DIAPH3: variants seen among roughly 807,000 people sequenced by gnomAD.
DIAPH3 encodes the protein protein diaphanous homolog 3.
Under a neutral mutation model 144.3 loss-of-function variants are expected in DIAPH3, and 117 were observed. That is an observed-to-expected ratio of 0.81 (90% CI 0.70 to 0.95). The LOEUF is 0.95. Ranked by LOEUF, DIAPH3 falls within the 40% of genes least tolerant of loss-of-function variation. The probability of loss-of-function intolerance (pLI) is 0.00; values close to 1 mark genes in which losing one functional copy is unlikely to be tolerated. For synonymous variants in DIAPH3, 519 were observed against 488.9 expected (o/e 1.06, Z -0.81); for missense variants, 1,421 against 1,412.7 (o/e 1.01, Z -0.09).
chr13:59,873,792 G>T (rs2044433263), intron 21 of DIAPH3, among the ~76,000 whole-genome samples: 1 of 149,512 alleles, frequency 6.7e-6, no homozygotes, highest in Admixed American at 6.8e-5. Context: ...TCAGCCTCAC[G>T]AATAGAGTAG....
At position 60,163,907 on chromosome 13, in the gene DIAPH3, C is replaced by T; in HGVS notation, c.-141G>A. ...CACAGCCTAGCCCAACCGCTGAAGT[C>T]GGGGCCGCAGCCAACACATCTGAAA... is the stretch of plus-strand genomic sequence containing the variant. On this transcript the variant is annotated 5_prime_UTR_variant, in exon 1 of 28. Coordinates refer to ENST00000400324, the MANE Select transcript of DIAPH3 (RefSeq NM_001042517.2). 9.0e-7 allele frequency: 1 copy of T among 1,114,222 alleles called. No individual in the cohort carries two copies. The allele number at this position is 1,114,222 out of a possible 1,614,324, so 69.0% of individuals were successfully genotyped here.
chr13:59,843,204 C>T (rs1479145486), intron 22 of DIAPH3, among the ~76,000 whole-genome samples: 2 of 152,072 alleles, frequency 1.3e-5, no homozygotes, highest in South Asian at 2.1e-4. Flanking sequence ...GGGGCAAAGA[C>T]CAAATATTTA....
At chr13:60,026,977 T>C (rs976023875) in intron 5 of DIAPH3, among the ~76,000 whole-genome samples, 1 of 152,210 alleles carries the variant, frequency 6.6e-6, no homozygotes, top group Non-Finnish European at 1.5e-5. Flanking sequence ...ACTGCTCACA[T>C]GTGACAAACT....
intron 5 of DIAPH3, among the ~76,000 whole-genome samples, chr13:60,029,422 C>T (rs577722296): frequency 6.6e-6 from 1 of 152,144 alleles, no homozygotes; most frequent in Admixed American, 6.5e-5. Context: ...TGTCACCACC[C>T]AAATCTCACC....
chr13:59,974,547 G>T (rs377713623), intron 14 of DIAPH3, 91 bp from the exon 15 acceptor site: 2 of 1,071,698 alleles, frequency 1.9e-6, no homozygotes, highest in South Asian at 1.3e-5. Flanking sequence ...ATGATCTGCC[G>T]GTAGAACACA....
At chr13:59,787,974 T>C (rs1208168762) in intron 25 of DIAPH3, among the ~76,000 whole-genome samples, 1 of 152,210 alleles carries the variant, frequency 6.6e-6, no homozygotes, top group Non-Finnish European at 1.5e-5. Flanking sequence ...TCTGCTGGCA[T>C]CTTGATTTTG....
chr13:59,843,312 C>T lies in DIAPH3; in HGVS notation c.2738-3864G>A, dbSNP rs201663321. Among the ~76,000 whole-genome samples the T allele has an allele frequency of 2.0e-5, 3 of 152,288 alleles. No individual in the cohort carries two copies. The East Asian group carries it at 5.8e-4, about 29-fold the overall frequency. Reference sequence around the variant, plus strand: ...GAGAAGCACATTTTTGGCTCATTCTCAGAGGTGCCTAAAGTCTAGGCTGCC... The same window carrying T: ...GAGAAGCACATTTTTGGCTCATTCTTAGAGGTGCCTAAAGTCTAGGCTGCC... On this transcript the variant is annotated intron_variant, in intron 22 of 27. Coordinates refer to ENST00000400324, the MANE Select transcript of DIAPH3 (RefSeq NM_001042517.2).
chr13:59,887,198 T>C (rs1369897566), intron 20 of DIAPH3, among the ~76,000 whole-genome samples: 10 of 152,116 alleles, frequency 6.6e-5, no homozygotes, highest in South Asian at 6.2e-4. Flanking sequence ...TCTGATAATA[T>C]GGCTAACTAA....
At chr13:59,809,181 C>T (rs1043353581) in intron 25 of DIAPH3, among the ~76,000 whole-genome samples, 5 of 152,206 alleles carry the variant, frequency 3.3e-5, no homozygotes, top group Admixed American at 2.0e-4. Flanking sequence ...AGCAACTCAT[C>T]TAGATAACTA....
At chr13:59,830,298 C>A (rs939655756) in intron 24 of DIAPH3, among the ~76,000 whole-genome samples, 8 of 151,676 alleles carry the variant, frequency 5.3e-5, no homozygotes, top group South Asian at 2.1e-4. Flanking sequence ...ATTTACCCCC[C>A]AAAAAGAAAG....
intron 20 of DIAPH3, among the ~76,000 whole-genome samples, chr13:59,894,572 GC>G (rs796995456): frequency 1.1e-5 from 1 of 93,718 alleles, no homozygotes; most frequent in Admixed American, 1.7e-4. Context: ...AGTCTCCCCT[GC>G]CCCCCCACCC....
intron 4 of DIAPH3, among the ~76,000 whole-genome samples, chr13:60,089,282 C>G (rs2057852175): frequency 6.6e-6 from 1 of 152,124 alleles, no homozygotes; most frequent in South Asian, 2.1e-4. Flanking sequence ...TTTGTCCACT[C>G]AAACATAAGA....
At chr13:60,083,844 C>T (rs2057648031) in intron 4 of DIAPH3, among the ~76,000 whole-genome samples, 1 of 151,836 alleles carries the variant, frequency 6.6e-6, no homozygotes, top group Admixed American at 6.6e-5. Flanking sequence ...TTCAGTATTA[C>T]AGTAAGCTAT....
At chr13:59,708,160 T>C (rs2034533371) in intron 27 of DIAPH3, among the ~76,000 whole-genome samples, 1 of 151,818 alleles carries the variant, frequency 6.6e-6, no homozygotes, top group African/African-American at 2.4e-5. Flanking sequence ...ACTCAGGGGC[T>C]CAAGCGATCC....
At chr13:59,749,433 T>C (rs2036881704) in intron 27 of DIAPH3, among the ~76,000 whole-genome samples, 1 of 139,672 alleles carries the variant, frequency 7.2e-6, no homozygotes. Context: ...GGCAGGAGAA[T>C]GGCCTGAACC....
chr13:60,062,027 T>C (rs980753487), intron 4 of DIAPH3, among the ~76,000 whole-genome samples: 5 of 152,112 alleles, frequency 3.3e-5, no homozygotes, highest in African/African-American at 1.2e-4. Context: ...CGGCAGGAGA[T>C]AGTGCTGACC....
intron 14 of DIAPH3, among the ~76,000 whole-genome samples, chr13:59,975,403 A>G (rs2050620954): frequency 6.6e-6 from 1 of 152,040 alleles, no homozygotes. Context: ...CTAGTCCCTC[A>G]TAGCTAGTAA....
chr13:59,847,210 G>C (rs975130235), intron 22 of DIAPH3, among the ~76,000 whole-genome samples: 5 of 152,128 alleles, frequency 3.3e-5, no homozygotes, highest in African/African-American at 4.8e-5. Context: ...TGGAACCCCA[G>C]GTAATAACAA....
At chr13:59,933,962 C>T (rs999390999) in intron 17 of DIAPH3, among the ~76,000 whole-genome samples, 3 of 152,082 alleles carry the variant, frequency 2.0e-5, no homozygotes, top group African/African-American at 4.8e-5. Flanking sequence ...ACATATTATT[C>T]CAGTTCATTT....
Sources: gnomAD v4.1 joint callset for allele counts (sites outside exome capture counted in the v4.1 genomes callset) on GRCh38, gnomAD v4.1.1 for gene constraint, MANE v1.5 for transcripts, NCBI Gene and HGNC (gene_info 2026-07-23, HGNC 2026-07-21) for gene names.